The following UBAP1 variants were observed in gnomAD, a reference collection of about 807,000 sequenced individuals.
The protein encoded by UBAP1 is ubiquitin-associated protein 1.
In UBAP1, 5 loss-of-function variants were observed where a neutral mutation model predicts 39.0. That is an observed-to-expected ratio of 0.13 (90% CI 0.07 to 0.27). UBAP1 has a LOEUF of 0.27. Ranked by LOEUF, UBAP1 falls within the 10% of genes least tolerant of loss-of-function variation. The probability of loss-of-function intolerance (pLI) is 1.00; values close to 1 mark genes in which losing one functional copy is unlikely to be tolerated. For synonymous variants in UBAP1, 211 were observed against 225.1 expected (o/e 0.94, Z 0.56); for missense variants, 490 against 608.1 (o/e 0.81, Z 2.04).
chr9:34,180,993 A>G (rs561550659), intron 1 of UBAP1, among the ~76,000 whole-genome samples: 1 of 151,790 alleles, frequency 6.6e-6, no homozygotes, highest in East Asian at 1.9e-4. Context: ...GTATTTTAGT[A>G]GAGACGGGGT....
rs753525957 is a variant in UBAP1, at chr9:34,241,791, C to A, written c.766C>A (p.Pro256Thr). 6.8e-6 allele frequency: 11 copies of A among 1,613,998 alleles called. No individual in the cohort carries two copies. Among genetic ancestry groups the A allele is most frequent in the African/African-American group, 2.7e-5 (2 of 74,916 alleles). Residue 256 changes from proline to threonine, a missense_variant, in exon 4 of 7, where the codon CCT becomes ACT. Physicochemically the swap from Pro to Thr is conservative, Grantham distance 38. This residue lies in a region of UBAP1 where 339 missense variants were observed against 390.0 expected (regional missense o/e 0.87). Coordinates refer to ENST00000297661, the MANE Select transcript of UBAP1 (RefSeq NM_016525.5). ...MSLSSKVSLP[P>T]IPAVSNIKSL... ...ACTGTCTTCCAAAGTGTCCCTCCCC[C>A]CTATACCTGCAGTAAGCAATATCAA...
intron 3 of UBAP1, among the ~76,000 whole-genome samples, chr9:34,235,293 A>T (rs1833631401): frequency 2.2e-5 from 3 of 138,060 alleles, no homozygotes; most frequent in Admixed American, 7.9e-5. Flanking sequence ...ATTTGTGTAT[A>T]TGTGTATATA....
chr9:34,251,288 A>G (rs1050957678), intron 6 of UBAP1, 104 bp from the exon 7 acceptor site: 2 of 1,237,256 alleles, frequency 1.6e-6, no homozygotes, highest in Non-Finnish European at 2.3e-6. Flanking sequence ...AAGGATGTAG[A>G]CATTCTGCTC....
intron 1 of UBAP1, among the ~76,000 whole-genome samples, chr9:34,189,351 G>C (rs1830589920): frequency 1.3e-5 from 2 of 150,902 alleles, no homozygotes; most frequent in Non-Finnish European, 1.5e-5. Flanking sequence ...ACCATGCCTG[G>C]CTAATTTTTA....
At chr9:34,183,959 G>A (rs1830234674) in intron 1 of UBAP1, among the ~76,000 whole-genome samples, 1 of 151,792 alleles carries the variant, frequency 6.6e-6, no homozygotes, top group South Asian at 2.1e-4. Flanking sequence ...TAGTAGAGAC[G>A]GGGTTTCTCC....
chr9:34,229,906 C>T lies in UBAP1; in HGVS notation c.35-4310C>T, dbSNP rs531307740. ...GCCAGGCTGGTCTCGAACTCCTGACCTCAGGTGATCCACCCGCCTCTGCCT... is the reference window on the plus strand; with the variant it reads ...GCCAGGCTGGTCTCGAACTCCTGACTTCAGGTGATCCACCCGCCTCTGCCT... On this transcript the variant is annotated intron_variant, in intron 2 of 6. Coordinates refer to ENST00000297661, the MANE Select transcript of UBAP1 (RefSeq NM_016525.5). Among the ~76,000 whole-genome samples, 106 of 151,942 alleles carry T rather than the reference C, an allele frequency of 7.0e-4. 1 individual carries two copies. The highest frequency in any genetic ancestry group is 2.3e-3 in the African/African-American group (94 of 41,426).
chr9:34,224,867 C>G (rs989626830), intron 2 of UBAP1, among the ~76,000 whole-genome samples: 6 of 152,172 alleles, frequency 3.9e-5, no homozygotes, highest in African/African-American at 1.4e-4. Flanking sequence ...CCTTTCTTCA[C>G]TATATGTCTC....
At chr9:34,241,051 A>T in intron 3 of UBAP1, 134 bp from the exon 4 acceptor site, 3 of 568,964 alleles carry the variant, frequency 5.3e-6, no homozygotes, top group Non-Finnish European at 8.7e-6. Context: ...TTAAGTGGGG[A>T]TCATCCCACA....
chr9:34,200,222 T>TAA (rs1831292781), intron 1 of UBAP1, among the ~76,000 whole-genome samples: 1 of 152,164 alleles, frequency 6.6e-6, no homozygotes, highest in Admixed American at 6.6e-5. Context: ...AGTATGGACT[T>TAA]GAGTATTTAG....
intron 1 of UBAP1, among the ~76,000 whole-genome samples, chr9:34,203,522 C>G (rs1473417674): frequency 1.3e-5 from 2 of 151,994 alleles, no homozygotes; most frequent in African/African-American, 2.4e-5. Flanking sequence ...TATTTGTCCT[C>G]GTAGTGCATA....
At chr9:34,230,269 C>T (rs1354714684) in intron 2 of UBAP1, among the ~76,000 whole-genome samples, 5 of 144,452 alleles carry the variant, frequency 3.5e-5, no homozygotes, top group South Asian at 2.2e-4. Context: ...TTTCACCATG[C>T]TGGCCAGGCT....
At chr9:34,228,938 A>G (rs1373522155) in intron 2 of UBAP1, among the ~76,000 whole-genome samples, 1 of 151,948 alleles carries the variant, frequency 6.6e-6, no homozygotes, top group Non-Finnish European at 1.5e-5. Context: ...TCCTTCCAGT[A>G]ATCACTGAAC....
At chr9:34,225,217 A>AT (rs1293323851) in intron 2 of UBAP1, among the ~76,000 whole-genome samples, 25 of 150,680 alleles carry the variant, frequency 1.7e-4, no homozygotes, top group Non-Finnish European at 7.4e-5. Flanking sequence ...ATTAAAATGT[A>AT]TTTTTTTTTC....
chr9:34,185,058 C>G (rs923439932), intron 1 of UBAP1, among the ~76,000 whole-genome samples: 2 of 151,866 alleles, frequency 1.3e-5, no homozygotes, highest in East Asian at 2.0e-4. Context: ...TGTCAGCCTC[C>G]CTAGTAGCTG....
At chr9:34,219,698 C>CCCT (rs1832555124) in intron 1 of UBAP1, among the ~76,000 whole-genome samples, 1 of 98,102 alleles carries the variant, frequency 1.0e-5, no homozygotes, top group Non-Finnish European at 2.2e-5. Flanking sequence ...CTCCTTTCCT[C>CCCT]TCCTCTCCTC....
intron 1 of UBAP1, among the ~76,000 whole-genome samples, chr9:34,189,683 C>T (rs1830610391): frequency 6.6e-6 from 1 of 151,742 alleles, no homozygotes; most frequent in African/African-American, 2.4e-5. Flanking sequence ...GTTGCCCAGG[C>T]TGGAGTGCAA....
At chr9:34,245,949 G>C (rs1315488730) in intron 4 of UBAP1, among the ~76,000 whole-genome samples, 1 of 151,912 alleles carries the variant, frequency 6.6e-6, no homozygotes, top group Non-Finnish European at 1.5e-5. Flanking sequence ...TTGAGCCCAG[G>C]ACTTCGAGAT....
At chr9:34,204,445 G>GT (rs1831573614) in intron 1 of UBAP1, among the ~76,000 whole-genome samples, 1 of 152,052 alleles carries the variant, frequency 6.6e-6, no homozygotes, top group African/African-American at 2.4e-5. Flanking sequence ...TCTGAGTCAA[G>GT]TAAGTATACA....
chr9:34,240,043 T>C (rs191397513), intron 3 of UBAP1, among the ~76,000 whole-genome samples: 1 of 152,322 alleles, frequency 6.6e-6, no homozygotes, highest in East Asian at 1.9e-4. Context: ...ACAATGTTTA[T>C]AGGGCAATGG....
Sources: allele counts gnomAD v4.1 joint callset (sites outside exome capture counted in the v4.1 genomes callset), GRCh38; gene constraint gnomAD v4.1.1; regional missense constraint gnomAD v4.1.1; transcripts MANE v1.5; gene names NCBI Gene and HGNC (gene_info 2026-07-23, HGNC 2026-07-21).